The following PARP8 variants were observed in gnomAD, a reference collection of about 807,000 sequenced individuals.
PARP8 encodes the protein protein mono-ADP-ribosyltransferase PARP8.
In PARP8, 51 loss-of-function variants were observed where a neutral mutation model predicts 124.1. That is an observed-to-expected ratio of 0.41 (90% CI 0.33 to 0.52). The LOEUF (loss-of-function observed/expected upper bound fraction) is 0.52, where lower values mean the gene tolerates loss of function less well. PARP8 is among the 20% of genes least tolerant of loss of function. PARP8 has a pLI of 0.21. For missense variants in PARP8, 860 were observed against 1,018.9 expected, an observed-to-expected ratio of 0.84 and a Z score of 2.12; for synonymous variants, 391 against 361.5, an observed-to-expected ratio of 1.08 and a Z score of -0.93.
chr5:50,828,432 G>T, intron 21 of PARP8, 48 bp downstream of exon 21: 1 of 1,523,610 alleles, frequency 6.6e-7, no homozygotes, highest in South Asian at 1.1e-5. Flanking sequence ...CTTCAGAATT[G>T]AGATTCAGTA....
chr5:50,818,625 C>T (rs1171138401), intron 15 of PARP8, among the ~76,000 whole-genome samples: 3 of 151,890 alleles, frequency 2.0e-5, no homozygotes, highest in Admixed American at 6.6e-5. Context: ...GTGATCCTCC[C>T]ACCCCCGCCT....
chr5:50,823,256 C>A (rs958279180), intron 17 of PARP8, among the ~76,000 whole-genome samples: 1 of 152,170 alleles, frequency 6.6e-6, no homozygotes, highest in African/African-American at 2.4e-5. Context: ...CCCCCACCAA[C>A]CCCCAGAGTT....
intron 10 of PARP8, 45 bp downstream of exon 10, chr5:50,788,634 C>T (rs1741585785): frequency 2.0e-6 from 3 of 1,489,292 alleles, no homozygotes; most frequent in Non-Finnish European, 2.8e-6. Context: ...CTAAAGAGAA[C>T]TGAGTTCTCA....
At chr5:50,752,367 G>A (rs953726820) in intron 3 of PARP8, among the ~76,000 whole-genome samples, 9 of 151,838 alleles carry the variant, frequency 5.9e-5, no homozygotes, top group African/African-American at 1.9e-4. Flanking sequence ...AGCTTTTTAG[G>A]GATGGTTCTG....
Position 50,834,965 on chromosome 5 carries a change from G to T in PARP8, c.2412G>T (p.Glu804Asp), listed in dbSNP as rs1747402702. The change falls in exon 25 of 26, where the codon GAG becomes GAT. Residue 804 changes from glutamate (E) to aspartate (D), a missense_variant. This residue lies in a region of PARP8 where 343 missense variants were observed against 474.7 expected (regional missense o/e 0.72). Transcript: ENST00000281631. ...CATCTGACCTGCACAAACATGGAGA[G>T]ATATGGGTTGTCCCCAATACTGACC... ...ITSSDLHKHG[E>D]IWVVPNTDHV... is the part of the protein sequence containing the mutation. 2 of 1,613,440 alleles carry T rather than the reference G, an allele frequency of 1.2e-6. No individual in the cohort carries two copies. The highest frequency in any genetic ancestry group is 2.7e-5 in the African/African-American group (2 of 74,894).
chr5:50,703,843 C>G (rs1383201793), intron 2 of PARP8, among the ~76,000 whole-genome samples: 1 of 151,194 alleles, frequency 6.6e-6, no homozygotes, highest in Non-Finnish European at 1.5e-5. Context: ...CCCAGGAGGT[C>G]GAGGCTGCAG....
intron 2 of PARP8, among the ~76,000 whole-genome samples, chr5:50,721,013 C>T (rs545769236): frequency 1.1e-4 from 16 of 151,684 alleles, no homozygotes; most frequent in Non-Finnish European, 2.4e-4. Flanking sequence ...TTTCTTTGTT[C>T]TGATACATCT....
chr5:50,682,754 G>C (rs1579937983), intron 2 of PARP8, among the ~76,000 whole-genome samples: 2 of 152,154 alleles, frequency 1.3e-5, no homozygotes, highest in African/African-American at 4.8e-5. Flanking sequence ...GAATAGTGAA[G>C]ATAGGGTACA....
At chr5:50,675,579 G>A (rs1365618554) in intron 2 of PARP8, among the ~76,000 whole-genome samples, 1 of 152,230 alleles carries the variant, frequency 6.6e-6, no homozygotes, top group African/African-American at 2.4e-5. Context: ...AAAGTGTTGG[G>A]ATTACGGGCG....
intron 14 of PARP8, among the ~76,000 whole-genome samples, chr5:50,813,478 T>G (rs1744717530): frequency 6.6e-6 from 1 of 152,212 alleles, no homozygotes; most frequent in African/African-American, 2.4e-5. Context: ...CTTATCAGCT[T>G]AAGGAGATTT....
At chr5:50,717,509 A>G (rs895801) in intron 2 of PARP8, among the ~76,000 whole-genome samples, 136,998 of 151,954 alleles carry the variant, frequency 0.9, 61,814 homozygotes, top group East Asian at 1. Flanking sequence ...TGAGGTTAGT[A>G]TATAGGGAAG....
chr5:50,696,133 C>A (rs796090838), intron 2 of PARP8, among the ~76,000 whole-genome samples: 1 of 152,048 alleles, frequency 6.6e-6, no homozygotes, highest in Non-Finnish European at 1.5e-5. Context: ...TATAATGTAG[C>A]CTAGGATTAA....
chr5:50,758,358 A>C (rs1760188422), intron 3 of PARP8, among the ~76,000 whole-genome samples: 1 of 152,192 alleles, frequency 6.6e-6, no homozygotes, highest in Non-Finnish European at 1.5e-5. Context: ...ATTCCTGCTT[A>C]GCTCCCTGAC....
At chr5:50,700,884 C>T (rs1366518606) in intron 2 of PARP8, among the ~76,000 whole-genome samples, 1 of 151,966 alleles carries the variant, frequency 6.6e-6, no homozygotes, top group East Asian at 1.9e-4. Context: ...TAATCCTCAC[C>T]GTCATACTTG....
intron 7 of PARP8, among the ~76,000 whole-genome samples, chr5:50,767,428 A>C (rs1761160810): frequency 6.6e-6 from 1 of 152,204 alleles, no homozygotes; most frequent in South Asian, 2.1e-4. Flanking sequence ...CAGAGGGGAA[A>C]GAAAGGAGAG....
intron 2 of PARP8, among the ~76,000 whole-genome samples, chr5:50,729,714 A>C (rs1009634817): frequency 6.6e-6 from 1 of 152,170 alleles, no homozygotes; most frequent in Non-Finnish European, 1.5e-5. Context: ...TAGCTGTCTC[A>C]AATGTTTTTC....
intron 3 of PARP8, among the ~76,000 whole-genome samples, chr5:50,756,067 TAGG>T (rs1324412637): frequency 1.3e-5 from 2 of 152,178 alleles, no homozygotes; most frequent in Admixed American, 6.5e-5. Flanking sequence ...CTTATCAGCT[TAGG>T]GAGATTTTGG....
At chr5:50,840,505 A>G (rs1748064203) in intron 25 of PARP8, among the ~76,000 whole-genome samples, 1 of 151,874 alleles carries the variant, frequency 6.6e-6, no homozygotes, top group South Asian at 2.1e-4. Flanking sequence ...TAGCAGTCCT[A>G]GGGTCAAAAA....
intron 14 of PARP8, among the ~76,000 whole-genome samples, chr5:50,798,860 T>C (rs1742870335): frequency 6.6e-6 from 1 of 152,238 alleles, no homozygotes; most frequent in South Asian, 2.1e-4. Context: ...TTATTGGCCA[T>C]TTGCATGTCT....
Sources: allele counts gnomAD v4.1 joint callset (sites outside exome capture counted in the v4.1 genomes callset), GRCh38; gene constraint gnomAD v4.1.1; regional missense constraint gnomAD v4.1.1; transcripts MANE v1.5; gene names NCBI Gene and HGNC (gene_info 2026-07-23, HGNC 2026-07-21).